Variants in SMURF1 observed in about 807,000 individuals in gnomAD.
SMURF1 encodes the protein SMAD specific E3 ubiquitin protein ligase 1, also known as E3 ubiquitin-protein ligase SMURF1.
Under a neutral mutation model 98.0 loss-of-function variants are expected in SMURF1, and 44 were observed. The observed-to-expected ratio is 0.45, with a 90% CI of 0.35 to 0.58. The LOEUF (loss-of-function observed/expected upper bound fraction) is 0.58, where lower values mean the gene tolerates loss of function less well. Ranked by LOEUF, SMURF1 falls within the 20% of genes least tolerant of loss-of-function variation. SMURF1 has a pLI of 0.00. For missense variants in SMURF1, 687 were observed against 938.4 expected, an observed-to-expected ratio of 0.73 and a Z score of 3.50; for synonymous variants, 396 against 374.9, an observed-to-expected ratio of 1.06 and a Z score of -0.65.
At chr7:99,060,794 A>C (rs922980770) in intron 2 of SMURF1, 87 bp from the exon 3 acceptor site, 2 of 872,912 alleles carry the variant, frequency 2.3e-6, no homozygotes, top group Non-Finnish European at 3.5e-6. Context: ...CTCTAATTTC[A>C]GGATAATTTC....
At chr7:99,076,142 C>T (rs947803581) in intron 1 of SMURF1, among the ~76,000 whole-genome samples, 5 of 152,112 alleles carry the variant, frequency 3.3e-5, no homozygotes, top group Admixed American at 6.5e-5. Context: ...TGGGCTCAAG[C>T]GATCCTCCAG....
intron 1 of SMURF1, among the ~76,000 whole-genome samples, chr7:99,079,886 GAATA>G (rs1286485135): frequency 1.3e-5 from 2 of 151,458 alleles, no homozygotes; most frequent in Admixed American, 6.6e-5. Flanking sequence ...ACTCAAGGAT[GAATA>G]AATAAAGCAG....
chr7:99,059,254 C>T lies in SMURF1; in HGVS notation c.203+1345G>A, dbSNP rs896643605. 3.4e-5 allele frequency among the ~76,000 whole-genome samples: 5 copies of T among 149,082 alleles called. No homozygotes were observed. The South Asian group carries it at 1.1e-3, about 31-fold the overall frequency. On this transcript the variant is annotated intron_variant, in intron 3 of 17. Coordinates refer to ENST00000361368, the MANE Select transcript of SMURF1 (RefSeq NM_181349.3). ...CTCTACTAAAACTACAAAAAATAGC[C>T]GGGCGTAGTGGCGGGCGCCTGTAGT...
At chr7:99,094,325 A>G (rs1796895640) in intron 1 of SMURF1, among the ~76,000 whole-genome samples, 1 of 152,220 alleles carries the variant, frequency 6.6e-6, no homozygotes, top group African/African-American at 2.4e-5. Context: ...TTAGGGCAAT[A>G]TATATCAACT....
chr7:99,050,262 T>C (rs1795713078), intron 8 of SMURF1: 1 of 152,486 alleles, frequency 6.6e-6, no homozygotes, highest in African/African-American at 2.4e-5. Flanking sequence ...GAACAGGGGC[T>C]CCCCACGGCA....
At chr7:99,043,405 G>A (rs1414267215) in intron 11 of SMURF1, among the ~76,000 whole-genome samples, 1 of 152,148 alleles carries the variant, frequency 6.6e-6, no homozygotes, top group African/African-American at 2.4e-5. Flanking sequence ...GACTCCAGTG[G>A]TGAAATAACA....
At chr7:99,082,421 T>G (rs1173371605) in intron 1 of SMURF1, among the ~76,000 whole-genome samples, 1 of 152,224 alleles carries the variant, frequency 6.6e-6, no homozygotes, top group Non-Finnish European at 1.5e-5. Context: ...AATTTCATTC[T>G]TTTACATGTG....
At chr7:99,061,708 A>C in intron 2 of SMURF1, 91 bp downstream of exon 2, 1 of 992,564 alleles carries the variant, frequency 1.0e-6, no homozygotes, top group Non-Finnish European at 1.5e-6. Context: ...CAAAACTTTG[A>C]AGAGAATATA....
rs140007878 is a variant in SMURF1, at chr7:99,054,390, C to A, written c.479+400G>T. 9.2e-3 allele frequency among the ~76,000 whole-genome samples: 1,397 copies of A among 151,978 alleles called. 20 individuals carry two copies. The highest frequency in any genetic ancestry group is 0.032 in the African/African-American group (1,333 of 41,454). ...GGCATGATCTTGGCTCACTGCAACC[C>A]CCTCCTCCCGGGTTCAAGCAATTCT... is the stretch of plus-strand genomic sequence containing the variant. On this transcript the variant is annotated intron_variant, in intron 6 of 17. Transcript: ENST00000361368.
intron 6 of SMURF1, 108 bp from the exon 7 acceptor site, chr7:99,052,554 T>C: frequency 8.1e-7 from 1 of 1,230,190 alleles, no homozygotes; most frequent in Non-Finnish European, 1.1e-6. Context: ...TTGATTTGCT[T>C]TCCTTTAACA....
At chr7:99,049,940 C>T (rs1795706223) in intron 8 of SMURF1, 2 of 412,630 alleles carry the variant, frequency 4.8e-6, no homozygotes, top group Non-Finnish European at 8.5e-6. Context: ...AGGCTGGGCG[C>T]GGTAGCTCAC....
intron 8 of SMURF1, chr7:99,051,040 T>C: frequency 6.8e-7 from 1 of 1,462,032 alleles, no homozygotes; most frequent in African/African-American, 1.4e-5. Flanking sequence ...GGTAACAGAG[T>C]CTTTATATTT....
chr7:99,119,002 A>ATTTTTTTTTTTTT (rs1563037004), intron 1 of SMURF1, among the ~76,000 whole-genome samples: 1 of 108,940 alleles, frequency 9.2e-6, no homozygotes, highest in African/African-American at 3.6e-5. Context: ...CTAACATGCC[A>ATTTTTTTTTTTTT]ATTTTTTTTT....
rs1359945726 is a variant in SMURF1 at position 99,049,553 on chromosome 7, A to G, written c.953+10T>C. 1 of 1,608,402 alleles carries G rather than the reference A, an allele frequency of 6.2e-7. No individual in the cohort carries two copies. The highest frequency in any genetic ancestry group is 8.5e-7 in the Non-Finnish European group (1 of 1,178,142). On this transcript the variant is annotated intron_variant, in intron 9 of 17. Coordinates refer to ENST00000361368, the MANE Select transcript of SMURF1 (RefSeq NM_181349.3). ...AAAGAGGTCAGCAAAAAATATTTTTAAAGTCTTACTTCATGATGTGGTGTA... is the reference window on the plus strand; with the variant it reads ...AAAGAGGTCAGCAAAAAATATTTTTGAAGTCTTACTTCATGATGTGGTGTA...
chr7:99,069,137 G>A (rs1201455761), intron 1 of SMURF1, among the ~76,000 whole-genome samples: 2 of 152,088 alleles, frequency 1.3e-5, no homozygotes, highest in Admixed American at 1.3e-4. Flanking sequence ...ACAGAGCAGT[G>A]ACTTAGCAAA....
rs942071304 is a variant in SMURF1 at position 99,051,427 on chromosome 7, C to T, written c.736G>A (p.Val246Ile). 1 of 1,613,874 alleles carries T rather than the reference C, an allele frequency of 6.2e-7. No individual in the cohort carries two copies. The highest frequency in any genetic ancestry group is 1.3e-5 in the African/African-American group (1 of 74,890). ...TGCAAAAAGTAAACTTGGCCCTGGA[C>T]TGTTGTTCTTTGTTCTACACAAGAA... ...LPEGYEQRTTVQGQVYFLHTQ... is the reference protein window; with the variant it reads ...LPEGYEQRTTIQGQVYFLHTQ... The change falls in exon 8 of 18, where the codon GTC becomes ATC. Residue 246 changes from valine to isoleucine, a missense_variant. Val to Ile is a conservative substitution (Grantham distance 29). Transcript: ENST00000361368.
intron 12 of SMURF1, 53 bp from the exon 13 acceptor site, chr7:99,040,609 G>C: frequency 1.5e-6 from 2 of 1,360,620 alleles, no homozygotes; most frequent in Non-Finnish European, 1.9e-6. Context: ...CGGCCAATGT[G>C]GGAATCTCGT....
intron 1 of SMURF1, among the ~76,000 whole-genome samples, chr7:99,062,643 G>A (rs1270304932): frequency 6.6e-6 from 1 of 152,148 alleles, no homozygotes; most frequent in African/African-American, 2.4e-5. Flanking sequence ...GAGGTCAGGA[G>A]TTCAAGACCA....
chr7:99,047,308 A>G (rs1795615300), intron 10 of SMURF1, among the ~76,000 whole-genome samples: 1 of 152,194 alleles, frequency 6.6e-6, no homozygotes. Flanking sequence ...CAGATTGCAG[A>G]TTGCAGGAAT....
Sources: allele counts gnomAD v4.1 joint callset (sites outside exome capture counted in the v4.1 genomes callset), GRCh38; gene constraint gnomAD v4.1.1; transcripts MANE v1.5; gene names NCBI Gene and HGNC (gene_info 2026-07-23, HGNC 2026-07-21).